PTPRF: variants seen among roughly 807,000 people sequenced by gnomAD.
The protein encoded by PTPRF is receptor-type tyrosine-protein phosphatase F.
PTPRF carries 59 observed loss-of-function variants against 201.8 expected under a neutral mutation model. The ratio of observed to expected loss-of-function variants is 0.29; its 90% CI spans 0.24 to 0.36. The LOEUF (loss-of-function observed/expected upper bound fraction) is 0.36, where lower values mean the gene tolerates loss of function less well. Ranked by LOEUF, PTPRF falls within the 10% of genes least tolerant of loss-of-function variation. The pLI, the probability that PTPRF is intolerant of heterozygous loss-of-function variation, is 1.00. For missense variants in PTPRF, 2,132 were observed against 2,690.5 expected (o/e 0.79, Z 4.59); for synonymous variants, 1,088 against 1,089.7 (o/e 1.00, Z 0.03).
chr1:43,540,312 C>T (rs1469562949), intron 2 of PTPRF, among the ~76,000 whole-genome samples: 1 of 152,130 alleles, frequency 6.6e-6, no homozygotes, highest in African/African-American at 2.4e-5. Flanking sequence ...CTATACTGTA[C>T]AAACCTGGAA....
chr1:43,553,858 A>G lies in PTPRF; in HGVS notation c.296A>G (p.Gln99Arg). Residue 99 changes from glutamine to arginine, a missense_variant, in exon 5 of 34, where the codon CAG becomes CGG. Around this residue, in one of 6 missense-constraint regions of PTPRF, gnomAD observed 297 missense variants for 454.0 expected, o/e 0.65. Transcript: ENST00000359947. The surrounding 1 kb of genome is among the most constrained non-coding windows in gnomAD (Gnocchi z 4.1). ...CTTCGGATCCAGCCATTGCGGGTGC[A>G]GCGAGATGAAGCCATCTATGAGTGT... ...SVLRIQPLRVQRDEAIYECTA... is the reference protein window; with the variant it reads ...SVLRIQPLRVRRDEAIYECTA... The G allele has an allele frequency of 1.2e-6, 2 of 1,614,210 alleles. No homozygotes were observed. Among genetic ancestry groups the G allele is most frequent in the Non-Finnish European group, 1.7e-6 (2 of 1,180,042 alleles).
At chr1:43,608,189 G>C (rs1185655267) in intron 21 of PTPRF, among the ~76,000 whole-genome samples, 1 of 152,190 alleles carries the variant, frequency 6.6e-6, no homozygotes, top group Non-Finnish European at 1.5e-5. Context: ...CAGAGAGGTA[G>C]ACCCCCTCCC....
chr1:43,577,356 A>G (rs931040554), intron 6 of PTPRF, among the ~76,000 whole-genome samples: 2 of 152,226 alleles, frequency 1.3e-5, no homozygotes, highest in African/African-American at 4.8e-5. Context: ...GGTATTTGGC[A>G]TGTGCACTGG....
intron 6 of PTPRF, among the ~76,000 whole-genome samples, chr1:43,570,786 C>G (rs1017763129): frequency 6.6e-6 from 1 of 152,256 alleles, no homozygotes; most frequent in Non-Finnish European, 1.5e-5. Flanking sequence ...AGACAGCCCA[C>G]GAAGTGTTAG....
At position 43,554,452 on chromosome 1, in the gene PTPRF, C is replaced by T. The variant is rs890658683; in HGVS notation, c.379+511C>T. ...GACCACCTTGAAGTCCTCTGAGCAC[C>T]GAGGAGGAGGAAGCTGTGTCTAAGC... is the stretch of plus-strand genomic sequence containing the variant. On this transcript the variant is annotated intron_variant, in intron 5 of 33. Coordinates refer to ENST00000359947, the MANE Select transcript of PTPRF (RefSeq NM_002840.5). This position sits in a 1 kb window ranked among gnomAD's most constrained non-coding sequence, Gnocchi z 4.1. Among the ~76,000 whole-genome samples, 6 of 152,208 alleles carry T rather than the reference C, an allele frequency of 3.9e-5. No homozygotes were observed. The East Asian group carries it at 9.6e-4, about 24-fold the overall frequency.
intron 21 of PTPRF, among the ~76,000 whole-genome samples, chr1:43,608,180 A>G (rs1212884210): frequency 6.6e-6 from 1 of 152,186 alleles, no homozygotes; most frequent in African/African-American, 2.4e-5. Flanking sequence ...GGGTCTGTCC[A>G]GAGAGGTAGA....
At chr1:43,522,080 C>T (rs1490762010), upstream of PTPRF, among the ~76,000 whole-genome samples, 1 of 152,180 alleles carries the variant, frequency 6.6e-6, no homozygotes, top group Non-Finnish European at 1.5e-5. Flanking sequence ...AAGAACATGG[C>T]CTGAAATCCC....
At position 43,603,837 on chromosome 1, in the gene PTPRF, G is replaced by A; in HGVS notation, c.2685G>A (p.Lys895=). The A allele has an allele frequency of 6.2e-7, 1 of 1,614,128 alleles. No homozygotes were observed. The highest frequency in any genetic ancestry group is 8.5e-7 in the Non-Finnish European group (1 of 1,180,036). ...CCTACATCTTCCGGCTTGCTGCCAAGAACCGGGCTGGCTTGGGTGAGGAGT... is the reference window on the plus strand; with the variant it reads ...CCTACATCTTCCGGCTTGCTGCCAAAAACCGGGCTGGCTTGGGTGAGGAGT... The part of the protein sequence containing the change: ...GTTYIFRLAA[K]NRAGLGEEFE... The change falls in exon 16 of 34, where the codon AAG becomes AAA. Residue 895 remains lysine, a synonymous_variant. Transcript: ENST00000359947. This position sits in a 1 kb window ranked among gnomAD's most constrained non-coding sequence, Gnocchi z 5.8.
In PTPRF at chr1:43,603,337, T is replaced by G. The variant is rs969534431; in HGVS notation, c.2341-79T>G. 7.7e-7 allele frequency: 1 copy of G among 1,306,488 alleles called. No homozygotes were observed. The highest frequency in any genetic ancestry group is 1.2e-5 in the South Asian group (1 of 84,148). The allele number at this position is 1,306,488 out of a possible 1,614,324, so 80.9% of individuals were successfully genotyped here. On this transcript the variant is annotated intron_variant, in intron 14 of 33. Coordinates refer to ENST00000359947, the MANE Select transcript of PTPRF (RefSeq NM_002840.5). This position sits in a 1 kb window ranked among gnomAD's most constrained non-coding sequence, Gnocchi z 5.8. ...GTGTGCCCCGGGGCTCCCCTCAGGC[T>G]AGGGTCCTGAGGTCCCTGACAAGGT... is the stretch of plus-strand genomic sequence containing the variant.
Position 43,622,084 on chromosome 1 carries a change from T to C in PTPRF, c.*81T>C, listed in dbSNP as rs1210637730. The C allele has an allele frequency of 4.8e-6, 7 of 1,447,066 alleles. 1 individual carries two copies. Among genetic ancestry groups the C allele is most frequent in the Non-Finnish European group, 6.8e-6 (7 of 1,032,794 alleles). 89.6% of individuals were successfully genotyped at this position (1,447,066 alleles called of 1,614,324 possible). A position where few individuals can be genotyped will look rare whatever the true frequency, so the allele number is the denominator to read the frequency against. ...CTCCTCTGAGCCATACCGACCATCG[T>C]CCAGCCCTCCTACGCAGATGCTGTC... On this transcript the variant is annotated 3_prime_UTR_variant, in exon 34 of 34. Transcript: ENST00000359947.
intron 7 of PTPRF, chr1:43,580,010 A>T (rs945210165): frequency 1.3e-5 from 2 of 151,412 alleles, no homozygotes; most frequent in African/African-American, 4.9e-5. Flanking sequence ...GGTTGCAGTG[A>T]GCCAAGGTCG....
rs1646440714 is a variant in PTPRF, at chr1:43,569,733, G to A, written c.523G>A (p.Val175Ile). Residue 175 changes from valine (V) to isoleucine (I), a missense_variant, in exon 6 of 34, where the codon GTA (valine) becomes ATA (isoleucine). Coordinates refer to ENST00000359947, the MANE Select transcript of PTPRF (RefSeq NM_002840.5). ...EISWFKDFLP[V>I]DPATSNGRIK... ...TTCTTGGTTCAAGGACTTCCTTCCT[G>A]TAGACCCTGCCACGAGCAACGGCCG... 3 of 1,613,792 alleles carry A rather than the reference G, an allele frequency of 1.9e-6. No individual in the cohort carries two copies. The highest frequency in any genetic ancestry group is 2.5e-6 in the Non-Finnish European group (3 of 1,179,762).
intron 2 of PTPRF, among the ~76,000 whole-genome samples, chr1:43,543,023 G>A (rs1427420463): frequency 6.6e-5 from 10 of 152,118 alleles, no homozygotes; most frequent in South Asian, 4.1e-4. Flanking sequence ...TGTTATACCC[G>A]ATGATGCCGG....
At chr1:43,572,310 T>C (rs1646628757) in intron 6 of PTPRF, among the ~76,000 whole-genome samples, 1 of 152,250 alleles carries the variant, frequency 6.6e-6, no homozygotes, top group African/African-American at 2.4e-5. Flanking sequence ...TTGGCACTTG[T>C]CCCTGTAGGC....
At position 43,550,414 on chromosome 1, in the gene PTPRF, A is replaced by G. The variant is rs1055987588; in HGVS notation, c.92-3078A>G. Reference sequence around the variant, plus strand: ...TCCGGTTCAGCCGGTTCCAGCCCCCAGTTTCTGCCGCTGCAGGTCCCGGCA... The same window carrying G: ...TCCGGTTCAGCCGGTTCCAGCCCCCGGTTTCTGCCGCTGCAGGTCCCGGCA... On this transcript the variant is annotated intron_variant, in intron 3 of 33. Coordinates refer to ENST00000359947, the MANE Select transcript of PTPRF (RefSeq NM_002840.5). Among the ~76,000 whole-genome samples, 4 of 140,078 alleles carry G rather than the reference A, an allele frequency of 2.9e-5. No homozygotes were observed. The South Asian group carries it at 7.9e-4, about 28-fold the overall frequency. 91.9% of individuals were successfully genotyped at this position (140,078 alleles called of 152,430 possible).
chr1:43,555,650 T>C (rs1645316850), intron 5 of PTPRF, among the ~76,000 whole-genome samples: 1 of 152,064 alleles, frequency 6.6e-6, no homozygotes, highest in Non-Finnish European at 1.5e-5. Flanking sequence ...TTCACCATAT[T>C]GAACAGGCTG....
chr1:43,606,322 C>T lies in PTPRF; in HGVS notation c.3566C>T (p.Ala1189Val). ...QAERLKPYVA[A>V]QLDVLPETFT... ...GAACGTCTGAAGCCATATGTGGCTG[C>T]TCAACTGGATGTGCTCCCGGAGACC... is the stretch of plus-strand genomic sequence containing the variant. Residue 1189 changes from alanine (A) to valine (V), a missense_variant, in exon 20 of 34, where the codon GCT becomes GTT. Around this residue, in one of 6 missense-constraint regions of PTPRF, gnomAD observed 818 missense variants for 915.3 expected, o/e 0.89. Coordinates refer to ENST00000359947, the MANE Select transcript of PTPRF (RefSeq NM_002840.5). The T allele has an allele frequency of 6.2e-7, 1 of 1,614,178 alleles. No homozygotes were observed. The highest frequency in any genetic ancestry group is 8.5e-7 in the Non-Finnish European group (1 of 1,180,032).
Position 43,596,749 on chromosome 1 carries a change from A to G in PTPRF, c.1814-999A>G, listed in dbSNP as rs569878199. Among the ~76,000 whole-genome samples the G allele has an allele frequency of 2.0e-5, 3 of 152,280 alleles. No individual in the cohort carries two copies. In the East Asian group the frequency reaches 5.8e-4, roughly 29 times the overall value. On this transcript the variant is annotated intron_variant, in intron 11 of 33. Coordinates refer to ENST00000359947, the MANE Select transcript of PTPRF (RefSeq NM_002840.5). ...CACAGCAGATGTGAAGCAGTTCTCC[A>G]TATGTGGCTGTGTGTGCGGGTGGCA...
rs1557890120 is a variant in PTPRF at position 43,623,628 on chromosome 1, T to A, written c.*1625T>A. 1 of 152,666 alleles carries A rather than the reference T, an allele frequency of 6.6e-6. No homozygotes were observed. Among genetic ancestry groups the A allele is most frequent in the Non-Finnish European group, 1.5e-5 (1 of 68,050 alleles). 9.5% of individuals were successfully genotyped at this position (152,666 alleles called of 1,614,324 possible). ...AAACTACAGCATCATTGCATAATTC[T>A]TGATGGTAATAAATTTGAATAATCA... On this transcript the variant is annotated 3_prime_UTR_variant, in exon 34 of 34. Transcript: ENST00000359947.
Sources: allele counts gnomAD v4.1 joint callset (sites outside exome capture counted in the v4.1 genomes callset), GRCh38; gene constraint gnomAD v4.1.1; regional missense constraint gnomAD v4.1.1; non-coding constraint Gnocchi (gnomAD v3.1); transcripts MANE v1.5; gene names NCBI Gene and HGNC (gene_info 2026-07-23, HGNC 2026-07-21).